CADM1: variants seen among roughly 807,000 people sequenced by gnomAD.
CADM1 encodes cell adhesion molecule 1.
CADM1 carries 15 observed loss-of-function variants against 53.1 expected under a neutral mutation model. That is an observed-to-expected ratio of 0.28 (90% confidence interval 0.19 to 0.44). CADM1 has a LOEUF of 0.44. CADM1 is among the 20% of genes least tolerant of loss of function. CADM1 has a pLI of 1.00. For synonymous variants in CADM1, 281 were observed against 243.0 expected (o/e 1.16, Z -1.45); for missense variants, 434 against 611.3 (o/e 0.71, Z 3.06).
At chr11:115,186,377 C>T (rs1027957133) in intron 10 of CADM1, among the ~76,000 whole-genome samples, 1 of 152,134 alleles carries the variant, frequency 6.6e-6, no homozygotes, top group African/African-American at 2.4e-5. Flanking sequence ...CCAGGTTAGT[C>T]AGCACATTGC....
chr11:115,265,334 T>G (rs972617348), intron 1 of CADM1, among the ~76,000 whole-genome samples: 3 of 152,192 alleles, frequency 2.0e-5, no homozygotes, highest in African/African-American at 4.8e-5. Flanking sequence ...GTTTCTCCAG[T>G]GCCTAGACCA....
chr11:115,234,846 T>C (rs1292265664), intron 3 of CADM1, among the ~76,000 whole-genome samples: 1 of 122,832 alleles, frequency 8.1e-6, no homozygotes, highest in Non-Finnish European at 1.6e-5. Flanking sequence ...TGAGTCAAGA[T>C]CACGCCATTG....
chr11:115,423,543 C>T (rs554214554), intron 1 of CADM1, among the ~76,000 whole-genome samples: 1 of 152,100 alleles, frequency 6.6e-6, no homozygotes, highest in Admixed American at 6.5e-5. Context: ...TTTAAAAATA[C>T]ACTGTTATCT....
In CADM1 at chr11:115,174,413, C is replaced by G; in HGVS notation, c.*2061G>C. 1 of 985,638 alleles carries G rather than the reference C, an allele frequency of 1.0e-6. No homozygotes were observed. The highest frequency in any genetic ancestry group is 1.2e-6 in the Non-Finnish European group (1 of 829,876). The allele number at this position is 985,638 out of a possible 1,614,324, so 61.1% of individuals were successfully genotyped here. ...TGGGTGCTAAGGGCTCGGAATAGAG[C>G]TGCAGATTATAAAATTCATTGAAAA... On this transcript the variant is annotated 3_prime_UTR_variant, in exon 12 of 12. Coordinates refer to ENST00000331581, the MANE Select transcript of CADM1 (RefSeq NM_001301043.2).
intron 6 of CADM1, among the ~76,000 whole-genome samples, chr11:115,217,045 C>T (rs1403798882): frequency 2.6e-5 from 4 of 152,312 alleles, no homozygotes; most frequent in East Asian, 1.9e-4. Flanking sequence ...TTAATCCCAA[C>T]ATTGACCTAT....
chr11:115,418,116 T>C (rs1321100066), intron 1 of CADM1, among the ~76,000 whole-genome samples: 1 of 152,210 alleles, frequency 6.6e-6, no homozygotes, highest in Admixed American at 6.5e-5. Flanking sequence ...AAAGATGTCT[T>C]TCTTCAACAA....
intron 1 of CADM1, among the ~76,000 whole-genome samples, chr11:115,409,913 A>C (rs935444027): frequency 6.6e-6 from 1 of 152,186 alleles, no homozygotes; most frequent in African/African-American, 2.4e-5. Context: ...GGGGGTCTGT[A>C]CGCAAAACAT....
At chr11:115,496,813 A>C (rs1210309318) in intron 1 of CADM1, among the ~76,000 whole-genome samples, 1 of 151,986 alleles carries the variant, frequency 6.6e-6, no homozygotes, top group Non-Finnish European at 1.5e-5. Context: ...GGGAAAAAAG[A>C]CTCCAAATTT....
intron 11 of CADM1, among the ~76,000 whole-genome samples, chr11:115,177,562 C>T (rs557791256): frequency 6.6e-6 from 1 of 152,162 alleles, no homozygotes; most frequent in Admixed American, 6.5e-5. Context: ...TCAAACGCTT[C>T]TCAGTATCCT....
At chr11:115,494,570 G>A (rs1378257023) in intron 1 of CADM1, among the ~76,000 whole-genome samples, 1 of 152,076 alleles carries the variant, frequency 6.6e-6, no homozygotes, top group African/African-American at 2.4e-5. Context: ...ACTCCAGTTA[G>A]GATCTTGCTG....
At chr11:115,284,126 G>GTGTGTA (rs1943667990) in intron 1 of CADM1, among the ~76,000 whole-genome samples, 2 of 42,414 alleles carry the variant, frequency 4.7e-5, no homozygotes, top group Non-Finnish European at 9.4e-5. Flanking sequence ...GTGTGTGTGT[G>GTGTGTA]TGTGTGTGTG....
chr11:115,304,398 A>G (rs2135143881), intron 1 of CADM1, among the ~76,000 whole-genome samples: 1 of 152,188 alleles, frequency 6.6e-6, no homozygotes, highest in South Asian at 2.1e-4. Flanking sequence ...TATGAATTAA[A>G]TCCATCATGG....
At chr11:115,427,667 G>A (rs1021889990) in intron 1 of CADM1, among the ~76,000 whole-genome samples, 1 of 151,864 alleles carries the variant, frequency 6.6e-6, no homozygotes, top group Non-Finnish European at 1.5e-5. Flanking sequence ...TGTATTAATC[G>A]ACAAACAGAA....
chr11:115,254,593 C>CACAG (rs1491508599), intron 1 of CADM1, among the ~76,000 whole-genome samples: 1 of 136,296 alleles, frequency 7.3e-6, no homozygotes, highest in Non-Finnish European at 1.6e-5. Context: ...CACACACACA[C>CACAG]AGAGACAACA....
intron 1 of CADM1, among the ~76,000 whole-genome samples, chr11:115,300,381 T>C (rs1944187954): frequency 6.6e-6 from 1 of 152,130 alleles, no homozygotes; most frequent in African/African-American, 2.4e-5. Context: ...CATCTGTCTT[T>C]AGACAGGAGT....
rs544037345 is a variant in CADM1 at position 115,355,505 on chromosome 11, A to G, written c.125-115085T>C. On this transcript the variant is annotated intron_variant, in intron 1 of 11. Coordinates refer to ENST00000331581, the MANE Select transcript of CADM1 (RefSeq NM_001301043.2). Reference sequence around the variant, plus strand: ...AGGAGGCTGAGGATCGGAAAAAATAACTATTGGGTACGAGGCTTAGTACCT... The same window carrying G: ...AGGAGGCTGAGGATCGGAAAAAATAGCTATTGGGTACGAGGCTTAGTACCT... 5.3e-5 allele frequency among the ~76,000 whole-genome samples: 8 copies of G among 152,272 alleles called. No homozygotes were observed. The East Asian group carries it at 1.2e-3, about 22-fold the overall frequency.
chr11:115,503,679 T>C (rs1158977394), intron 1 of CADM1, among the ~76,000 whole-genome samples: 1 of 151,296 alleles, frequency 6.6e-6, no homozygotes, highest in East Asian at 2.0e-4. Context: ...ACGAGAGGCG[T>C]GCAGTTTGGG....
rs1216372271 is a variant in CADM1 at position 115,404,327 on chromosome 11, G to GAA, written c.124+99942_124+99943dup. On this transcript the variant is annotated intron_variant, in intron 1 of 11. Coordinates refer to ENST00000331581, the MANE Select transcript of CADM1 (RefSeq NM_001301043.2). ...GGCGACAGAGCAAGAATCTGTCTCG[G>GAA]AAAAAAAAAAAAAAAAAAAATATAT... 5.3e-3 allele frequency among the ~76,000 whole-genome samples: 31 copies of GAA among 5,832 alleles called. 1 individual carries two copies. Among genetic ancestry groups the GAA allele is most frequent in the South Asian group, 0.034 (2 of 58 alleles). The allele number at this position is 5,832 out of a possible 152,430, so 3.8% of individuals were successfully genotyped here.
intron 1 of CADM1, among the ~76,000 whole-genome samples, chr11:115,438,407 C>A (rs1948231766): frequency 6.6e-6 from 1 of 152,080 alleles, no homozygotes; most frequent in Admixed American, 6.6e-5. Flanking sequence ...CGGTTTGCTG[C>A]TGATTCTGGA....
Sources: gnomAD v4.1 joint callset for allele counts (sites outside exome capture counted in the v4.1 genomes callset) on GRCh38, gnomAD v4.1.1 for gene constraint, MANE v1.5 for transcripts, NCBI Gene and HGNC (gene_info 2026-07-23, HGNC 2026-07-21) for gene names.